WHRN: variants seen among roughly 807,000 people sequenced by gnomAD.
WHRN encodes CASK-interacting protein CIP98.
WHRN carries 41 observed loss-of-function variants against 68.3 expected under a neutral mutation model. That is an observed-to-expected ratio of 0.60 (90% CI 0.47 to 0.78). The LOEUF is 0.78. Ranked by LOEUF, WHRN falls within the 30% of genes least tolerant of loss-of-function variation. WHRN has a pLI of 0.00. For missense variants in WHRN, 1,243 were observed against 1,244.7 expected, an observed-to-expected ratio of 1.00 and a Z score of 0.02; for synonymous variants, 560 against 561.3, an observed-to-expected ratio of 1.00 and a Z score of 0.03.
intron 3 of WHRN, among the ~76,000 whole-genome samples, chr9:114,446,040 A>T (rs1354044745): frequency 6.6e-6 from 1 of 152,184 alleles, no homozygotes; most frequent in Non-Finnish European, 1.5e-5. Flanking sequence ...AAGCTATATG[A>T]TAGAAATCAT....
chr9:114,417,431 A>G (rs1835896242), intron 7 of WHRN, among the ~76,000 whole-genome samples: 1 of 152,244 alleles, frequency 6.6e-6, no homozygotes, highest in Admixed American at 6.5e-5. Context: ...AAGGCCGCAT[A>G]GTAGAAGATA....
chr9:114,458,271 G>A (rs919687328), intron 3 of WHRN, among the ~76,000 whole-genome samples: 2 of 152,064 alleles, frequency 1.3e-5, no homozygotes, highest in Non-Finnish European at 2.9e-5. Flanking sequence ...TTCAACCATC[G>A]AGTTCTTAGA....
chr9:114,440,361 C>T (rs925129995), intron 3 of WHRN, among the ~76,000 whole-genome samples: 3 of 152,052 alleles, frequency 2.0e-5, no homozygotes, highest in African/African-American at 4.8e-5. Flanking sequence ...CTTAGCGTCT[C>T]GAGTAGCTGG....
chr9:114,460,189 GATATTTA>G (rs1182659779), intron 3 of WHRN, among the ~76,000 whole-genome samples: 1 of 152,176 alleles, frequency 6.6e-6, no homozygotes, highest in African/African-American at 2.4e-5. Context: ...GCAGCCTTTT[GATATTTA>G]ATCAAGTTAG....
chr9:114,453,146 G>A (rs957389540), intron 3 of WHRN, among the ~76,000 whole-genome samples: 5 of 152,226 alleles, frequency 3.3e-5, no homozygotes, highest in African/African-American at 1.2e-4. Flanking sequence ...TACAAACAGC[G>A]TGGTGCTGGC....
chr9:114,467,507 T>G (rs1840818771), intron 2 of WHRN, among the ~76,000 whole-genome samples: 20 of 135,728 alleles, frequency 1.5e-4, no homozygotes, highest in South Asian at 7.7e-4. Flanking sequence ...TGAGCGAGAG[T>G]CAGCCGGCGG....
At chr9:114,477,625 G>A (rs761545943) in intron 2 of WHRN, among the ~76,000 whole-genome samples, 14 of 152,136 alleles carry the variant, frequency 9.2e-5, no homozygotes, top group Non-Finnish European at 1.3e-4. Context: ...CTGCCAGCCC[G>A]TGAGGTGCTC....
At position 114,426,497 on chromosome 9, in the gene WHRN, C is replaced by T. The variant is rs536310440; in HGVS notation, c.964-84G>A. The T allele has an allele frequency of 8.0e-6, 12 of 1,506,502 alleles. No individual in the cohort carries two copies. In the South Asian group the frequency reaches 1.1e-4, roughly 14 times the overall value. 93.3% of individuals were successfully genotyped at this position (1,506,502 alleles called of 1,614,324 possible). The stretch of plus-strand genomic sequence containing the variant: ...ACTTCACAGCCCAGATCCCAATTCT[C>T]CTCTGGGCCAGCCTGTCAAGGAGGT... On this transcript the variant is annotated intron_variant, in intron 3 of 11. Coordinates refer to ENST00000362057, the MANE Select transcript of WHRN (RefSeq NM_015404.4).
At chr9:114,486,976 TATATATATATATATA>T (rs1842586684) in intron 1 of WHRN, among the ~76,000 whole-genome samples, 1 of 2,302 alleles carries the variant, frequency 4.3e-4, no homozygotes, top group African/African-American at 5.4e-4. Context: ...TATATATATA[TATATATATATATATA>T]TATATATATA....
At chr9:114,442,440 G>A (rs1838455169) in intron 3 of WHRN, among the ~76,000 whole-genome samples, 2 of 152,174 alleles carry the variant, frequency 1.3e-5, no homozygotes, top group Admixed American at 6.5e-5. Flanking sequence ...TGCTTTAGAC[G>A]GGAGAAGAGA....
rs528828681 is a variant in WHRN, at chr9:114,479,623, G to A, written c.619-852C>T. 1.1e-4 allele frequency among the ~76,000 whole-genome samples: 17 copies of A among 152,218 alleles called. 1 individual carries two copies. The highest frequency in any genetic ancestry group is 6.2e-4 in the South Asian group (3 of 4,822). ...CATTTATAAAGGGCTTGTATGTGTCGGCCACTCTGCGCTGCACCTGATATG... is the reference window on the plus strand; with the variant it reads ...CATTTATAAAGGGCTTGTATGTGTCAGCCACTCTGCGCTGCACCTGATATG... On this transcript the variant is annotated intron_variant, in intron 1 of 11. Transcript: ENST00000362057.
chr9:114,456,693 G>A (rs992660199), intron 3 of WHRN, among the ~76,000 whole-genome samples: 2 of 152,070 alleles, frequency 1.3e-5, no homozygotes, highest in Admixed American at 6.6e-5. Flanking sequence ...AGCTAGGTGT[G>A]GTGATGCATG....
chr9:114,424,782 CT>C lies in WHRN; in HGVS notation c.1203+205del, dbSNP rs1836664199. 3.3e-5 allele frequency among the ~76,000 whole-genome samples: 5 copies of C among 152,232 alleles called. No homozygotes were observed. The South Asian group carries it at 1.0e-3, about 31-fold the overall frequency. Reference sequence around the variant, plus strand: ...CATGAGGGCAGGGACCTGGTCTGCTCTGTTCATTGCCATCAACCCTGGTGCC... The same window carrying C: ...CATGAGGGCAGGGACCTGGTCTGCTCGTTCATTGCCATCAACCCTGGTGCC... On this transcript the variant is annotated intron_variant, in intron 5 of 11. Transcript: ENST00000362057.
At chr9:114,419,471 T>C (rs138246821) in intron 7 of WHRN, among the ~76,000 whole-genome samples, 41 of 152,274 alleles carry the variant, frequency 2.7e-4, no homozygotes, top group African/African-American at 7.0e-4. Context: ...AGCAGTCACA[T>C]TGGGTAACTG....
chr9:114,448,209 C>T (rs561797327), intron 3 of WHRN, among the ~76,000 whole-genome samples: 1 of 152,052 alleles, frequency 6.6e-6, no homozygotes, highest in South Asian at 2.1e-4. Context: ...GACTTCTGCC[C>T]GTATAAGAGA....
chr9:114,464,354 T>C (rs1840486684), intron 3 of WHRN, among the ~76,000 whole-genome samples: 1 of 152,188 alleles, frequency 6.6e-6, no homozygotes, highest in Non-Finnish European at 1.5e-5. Flanking sequence ...GAAATTTACA[T>C]CTCACAGTTT....
intron 1 of WHRN, among the ~76,000 whole-genome samples, chr9:114,487,088 C>G (rs915808313): frequency 2.1e-5 from 3 of 142,790 alleles, no homozygotes; most frequent in African/African-American, 7.9e-5. Context: ...AAAGAGATAA[C>G]AGAGGTATTA....
intron 3 of WHRN, among the ~76,000 whole-genome samples, chr9:114,427,380 T>C (rs1320817016): frequency 6.6e-6 from 1 of 152,220 alleles, no homozygotes; most frequent in African/African-American, 2.4e-5. Context: ...CTGCAGGGTA[T>C]GATGGGACCG....
chr9:114,417,085 A>G (rs1835870908), intron 7 of WHRN, among the ~76,000 whole-genome samples: 1 of 152,182 alleles, frequency 6.6e-6, no homozygotes, highest in South Asian at 2.1e-4. Flanking sequence ...GGGAAATGAT[A>G]TTGTGTGAAG....
Sources: gnomAD v4.1 joint callset for allele counts (sites outside exome capture counted in the v4.1 genomes callset) on GRCh38, gnomAD v4.1.1 for gene constraint, MANE v1.5 for transcripts, NCBI Gene and HGNC (gene_info 2026-07-23, HGNC 2026-07-21) for gene names.